The following MEI4 variants were observed in gnomAD, a reference collection of about 807,000 sequenced individuals.
MEI4 encodes the protein meiosis-specific protein MEI4.
In MEI4, 27 loss-of-function variants were observed where a neutral mutation model predicts 31.4. That is an observed-to-expected ratio of 0.86 (90% confidence interval 0.63 to 1.19). MEI4 has a LOEUF of 1.19. Among genes scored for constraint, MEI4 ranks in the 50% most tolerant of loss-of-function variants. MEI4 has a pLI of 0.00. For synonymous variants in MEI4, 122 were observed against 145.4 expected (o/e 0.84, Z 1.16); for missense variants, 329 against 398.9 (o/e 0.82, Z 1.49).
chr6:77,773,158 C>T (rs1768358427), intron 3 of MEI4, among the ~76,000 whole-genome samples: 1 of 151,892 alleles, frequency 6.6e-6, no homozygotes, highest in Non-Finnish European at 1.5e-5. Flanking sequence ...TATCAAAATA[C>T]TAATGGCATT....
Position 77,847,971 on chromosome 6 carries a change from C to T in MEI4, c.900+18909C>T, listed in dbSNP as rs1169836666. ...GAAAGAACGTCGGAATATTTATCTC[C>T]TCTTCACTTTATGTATCTTTATGCA... On this transcript the variant is annotated intron_variant, in intron 4 of 4. Transcript: ENST00000684080. This position sits in a 1 kb window ranked among gnomAD's most constrained non-coding sequence, Gnocchi z 4.6. Among the ~76,000 whole-genome samples the T allele has an allele frequency of 6.6e-6, 1 of 152,132 alleles. No individual in the cohort carries two copies. The highest frequency in any genetic ancestry group is 1.5e-5 in the Non-Finnish European group (1 of 68,030).
At chr6:77,732,109 G>A (rs542622654) in intron 2 of MEI4, among the ~76,000 whole-genome samples, 1,598 of 151,078 alleles carry the variant, frequency 0.011, 42 homozygotes, top group African/African-American at 0.036. Flanking sequence ...TTGGCGATGC[G>A]GGCTCTTTTT....
At chr6:77,888,198 T>C (rs1260187660) in intron 4 of MEI4, among the ~76,000 whole-genome samples, 2 of 152,202 alleles carry the variant, frequency 1.3e-5, no homozygotes, top group Non-Finnish European at 2.9e-5. Flanking sequence ...TTGGTCATTT[T>C]TTAAAATCAA....
intron 4 of MEI4, among the ~76,000 whole-genome samples, chr6:77,869,479 C>G (rs1004384390): frequency 1.3e-5 from 2 of 151,970 alleles, no homozygotes; most frequent in Non-Finnish European, 2.9e-5. Flanking sequence ...GAAAGAAACA[C>G]TAAGGGTGCA....
intron 4 of MEI4, among the ~76,000 whole-genome samples, chr6:77,834,580 A>G (rs1356705949): frequency 6.6e-6 from 1 of 151,776 alleles, no homozygotes; most frequent in East Asian, 1.9e-4. Context: ...ACACTGACAC[A>G]CTCATATATT....
In MEI4 at chr6:77,755,668, C is replaced by T. The variant is rs114149170; in HGVS notation, c.233-5462C>T. Among the ~76,000 whole-genome samples, 1,318 of 152,158 alleles carry T rather than the reference C, an allele frequency of 8.7e-3. 15 individuals carry two copies. The highest frequency in any genetic ancestry group is 0.029 in the African/African-American group (1,217 of 41,512). ...TCTTGACCTCATGATCTGCCCACCT[C>T]GGACTCCCATGTGCTGGGTGTTTAT... On this transcript the variant is annotated intron_variant, in intron 2 of 4. Transcript: ENST00000684080.
chr6:77,730,530 C>T lies in MEI4; in HGVS notation c.233-30600C>T, dbSNP rs570468720. On this transcript the variant is annotated intron_variant, in intron 2 of 4. Transcript: ENST00000684080. ...TCAGCTCCCAGTTTTTCCCTACTAA[C>T]TCTTTTCTTTCAGAGCAATTATTTT... Among the ~76,000 whole-genome samples the T allele has an allele frequency of 7.2e-5, 11 of 152,160 alleles. No homozygotes were observed. In the East Asian group the frequency reaches 1.9e-3, roughly 27 times the overall value.
At chr6:77,697,546 T>G (rs1766083594) in intron 2 of MEI4, among the ~76,000 whole-genome samples, 1 of 152,294 alleles carries the variant, frequency 6.6e-6, no homozygotes, top group Admixed American at 6.5e-5. Context: ...TTCAGAAGCA[T>G]GTTGTTCAGT....
intron 4 of MEI4, among the ~76,000 whole-genome samples, chr6:77,905,476 T>C (rs1348237925): frequency 7.4e-4 from 2 of 2,698 alleles, no homozygotes; most frequent in African/African-American, 4.5e-3. Flanking sequence ...AATTTTCAGC[T>C]TTTTTTTTTT....
intron 2 of MEI4, among the ~76,000 whole-genome samples, chr6:77,743,048 G>A (rs1204698707): frequency 9.2e-5 from 14 of 152,234 alleles, no homozygotes; most frequent in Non-Finnish European, 1.6e-4. Flanking sequence ...TTGAAGTCAG[G>A]TAGCGTGATG....
At chr6:77,804,320 G>A (rs1477008998) in intron 3 of MEI4, among the ~76,000 whole-genome samples, 1 of 152,154 alleles carries the variant, frequency 6.6e-6, no homozygotes. Context: ...GTATTAGGGT[G>A]GGAGTGACCC....
At chr6:77,808,023 A>G (rs2127703756) in intron 3 of MEI4, among the ~76,000 whole-genome samples, 1 of 152,344 alleles carries the variant, frequency 6.6e-6, no homozygotes, top group East Asian at 1.9e-4. Context: ...AAAGTTTGAA[A>G]GCAGTGCAGC....
At chr6:77,840,109 T>C in intron 4 of MEI4, among the ~76,000 whole-genome samples, 1 of 149,036 alleles carries the variant, frequency 6.7e-6, no homozygotes, top group South Asian at 2.1e-4. Context: ...GTGTTTTTTG[T>C]GTGTTTGTAC....
rs141134186 is a variant in MEI4, at chr6:77,900,871, C to CT, written c.901-22216dup. 2.3e-3 allele frequency among the ~76,000 whole-genome samples: 348 copies of CT among 152,010 alleles called. 9 individuals carry two copies. The East Asian group carries it at 0.037, about 16-fold the overall frequency. On this transcript the variant is annotated intron_variant, in intron 4 of 4. Coordinates refer to ENST00000684080, the MANE Select transcript of MEI4 (RefSeq NM_001322247.2). ...TGTCCGTTGACATCTCTCCAGTACC[C>CT]TTATTCCTCGGTCTCTGGTAACCAA...
intron 3 of MEI4, among the ~76,000 whole-genome samples, chr6:77,792,154 A>G (rs1040728447): frequency 6.6e-6 from 1 of 152,166 alleles, no homozygotes; most frequent in African/African-American, 2.4e-5. Context: ...ATAGTATTCC[A>G]TTGTGTATAT....
chr6:77,771,926 CT>C (rs1182174090), intron 3 of MEI4, among the ~76,000 whole-genome samples: 4 of 151,876 alleles, frequency 2.6e-5, no homozygotes, highest in African/African-American at 9.7e-5. Context: ...ACCTGTACCC[CT>C]AAACCTAAAA....
chr6:77,711,800 T>A (rs1329772991), intron 2 of MEI4, among the ~76,000 whole-genome samples: 1 of 152,210 alleles, frequency 6.6e-6, no homozygotes, highest in African/African-American at 2.4e-5. Context: ...ATAAGGTACA[T>A]CTTTAAAAAA....
At chr6:77,681,286 A>T (rs1332547176) in intron 1 of MEI4, among the ~76,000 whole-genome samples, 1 of 152,186 alleles carries the variant, frequency 6.6e-6, no homozygotes, top group Non-Finnish European at 1.5e-5. Flanking sequence ...AAAGATTCCA[A>T]ATTTGTGAAG....
chr6:77,889,868 T>C (rs558422736), intron 4 of MEI4, among the ~76,000 whole-genome samples: 2 of 152,328 alleles, frequency 1.3e-5, no homozygotes, highest in Non-Finnish European at 2.9e-5. Context: ...GCTCAGGCCA[T>C]TGCTTCAGAG....
Sources: gnomAD v4.1 joint callset for allele counts (sites outside exome capture counted in the v4.1 genomes callset) on GRCh38, gnomAD v4.1.1 for gene constraint, Gnocchi (gnomAD v3.1) non-coding constraint, MANE v1.5 for transcripts, NCBI Gene and HGNC (gene_info 2026-07-23, HGNC 2026-07-21) for gene names.